Variants in SPATA13 observed in about 807,000 individuals in gnomAD.
The protein encoded by SPATA13 is spermatogenesis associated 13.
A neutral mutation model predicts 104.0 loss-of-function variants in SPATA13; 50 were observed. That is an observed-to-expected ratio of 0.48 (90% CI 0.38 to 0.61). SPATA13 has a LOEUF of 0.61. SPATA13 is among the 20% of genes least tolerant of loss of function. The probability of loss-of-function intolerance (pLI) is 0.00; values close to 1 mark genes in which losing one functional copy is unlikely to be tolerated. For missense variants in SPATA13, 1,524 were observed against 1,690.6 expected (o/e 0.90, Z 1.73); for synonymous variants, 606 against 667.5 (o/e 0.91, Z 1.42).
intron 9 of SPATA13, among the ~76,000 whole-genome samples, chr13:24,291,753 T>TC (rs5802277): frequency 7.5e-6 from 1 of 133,812 alleles, no homozygotes; most frequent in African/African-American, 2.7e-5. Flanking sequence ...TTTTTATTTT[T>TC]TTATTTTTTT....
chr13:24,245,368 A>G (rs1196755287), intron 2 of SPATA13, among the ~76,000 whole-genome samples: 1 of 152,054 alleles, frequency 6.6e-6, no homozygotes, highest in Non-Finnish European at 1.5e-5. Flanking sequence ...TTGGCGAATA[A>G]TCAATGTTTG....
Position 24,223,760 on chromosome 13 carries a change from C to T in SPATA13, c.831C>T (p.Leu277=), listed in dbSNP as rs1301282341. The part of the protein sequence containing the change: ...KRKSTSNLAD[L]RTAHDARVPQ... ...AGTCCACCTCCAATCTTGCAGACCTCAGGACGGCCCATGACGCACGGGTAC... is the reference window on the plus strand; with the variant it reads ...AGTCCACCTCCAATCTTGCAGACCTTAGGACGGCCCATGACGCACGGGTAC... The change falls in exon 2 of 13, where the codon CTC becomes CTT. Residue 277 remains leucine (L), a synonymous_variant. Transcript: ENST00000382108. The T allele has an allele frequency of 6.4e-6, 10 of 1,551,924 alleles. No homozygotes were observed. In the South Asian group the frequency reaches 9.5e-5, roughly 15 times the overall value.
chr13:24,288,864 A>T, intron 7 of SPATA13, 135 bp from the exon 8 acceptor site: 6 of 642,124 alleles, frequency 9.3e-6, no homozygotes, highest in South Asian at 3.6e-5. Flanking sequence ...AAGTACGATG[A>T]CCTCATCAGA....
chr13:24,095,986 T>G (rs2137796321), intron 3 of SPATA13, among the ~76,000 whole-genome samples: 1 of 152,294 alleles, frequency 6.6e-6, no homozygotes, highest in Admixed American at 6.5e-5. Context: ...TACAGCAAGG[T>G]ACCTACACCT....
At chr13:24,232,296 G>A (rs1171049125) in intron 2 of SPATA13, among the ~76,000 whole-genome samples, 1 of 152,190 alleles carries the variant, frequency 6.6e-6, no homozygotes, top group Non-Finnish European at 1.5e-5. Flanking sequence ...GGGGAATCCT[G>A]GACTTTTGTC....
intron 3 of SPATA13, among the ~76,000 whole-genome samples, chr13:24,139,937 G>C (rs868271433): frequency 6.6e-6 from 1 of 152,006 alleles, no homozygotes; most frequent in African/African-American, 2.4e-5. Flanking sequence ...ACGTGGTGGC[G>C]GGCACCTGTA....
intron 3 of SPATA13, among the ~76,000 whole-genome samples, chr13:24,026,872 G>T (rs112626969): frequency 0.036 from 5,471 of 152,240 alleles, 318 homozygotes; most frequent in African/African-American, 0.12. Context: ...AAAGTGTTGG[G>T]ATTACAGGCG....
rs190541594 is a variant in SPATA13 at position 24,252,170 on chromosome 13, C to T, written c.2164+308C>T. 7.2e-5 allele frequency among the ~76,000 whole-genome samples: 11 copies of T among 152,254 alleles called. No homozygotes were observed. The South Asian group carries it at 1.2e-3, about 17-fold the overall frequency. On this transcript the variant is annotated intron_variant, in intron 4 of 12. Transcript: ENST00000382108. ...CCAGGCTAGAAATCCGAGATCAACA[C>T]GTCAGCAGGGTCAGTTTCTTCTGAG...
intron 3 of SPATA13, among the ~76,000 whole-genome samples, chr13:24,042,253 C>G (rs1027066394): frequency 6.6e-6 from 1 of 152,140 alleles, no homozygotes; most frequent in East Asian, 1.9e-4. Context: ...TACTATTTGC[C>G]CTGAGGCTGA....
intron 1 of SPATA13, among the ~76,000 whole-genome samples, chr13:24,172,826 T>G (rs973837222): frequency 6.6e-6 from 1 of 152,234 alleles, no homozygotes; most frequent in Non-Finnish European, 1.5e-5. Context: ...CCTTTCTGTA[T>G]TAATGTTAGA....
intron 2 of SPATA13, among the ~76,000 whole-genome samples, chr13:23,991,479 C>T (rs1460080808): frequency 6.6e-6 from 1 of 152,110 alleles, no homozygotes; most frequent in East Asian, 1.9e-4. Flanking sequence ...CCTCTTTTCT[C>T]CTTGAAAATT....
At chr13:24,124,996 G>A (rs1472170004) in intron 3 of SPATA13, among the ~76,000 whole-genome samples, 4 of 152,198 alleles carry the variant, frequency 2.6e-5, no homozygotes, top group Non-Finnish European at 5.9e-5. Flanking sequence ...CAGAGCGGGT[G>A]GTGGCAGACA....
chr13:24,025,259 T>G (rs1877160629), intron 3 of SPATA13, among the ~76,000 whole-genome samples: 1 of 152,112 alleles, frequency 6.6e-6, no homozygotes, highest in African/African-American at 2.4e-5. Flanking sequence ...AATGCTTTTT[T>G]AAGTTAACCA....
At chr13:24,186,281 A>G (rs2255808) in intron 1 of SPATA13, among the ~76,000 whole-genome samples, 90,434 of 152,076 alleles carry the variant, frequency 0.59, 27,233 homozygotes, top group Non-Finnish European at 0.65. Flanking sequence ...AAGCAAAAGT[A>G]GAAAATTAGA....
intron 4 of SPATA13, among the ~76,000 whole-genome samples, chr13:24,264,403 C>T (rs182870312): frequency 3.7e-4 from 56 of 151,922 alleles, no homozygotes; most frequent in Admixed American, 3.6e-3. Flanking sequence ...CAGACAAGGT[C>T]AGGCCTTAGA....
intron 2 of SPATA13, among the ~76,000 whole-genome samples, chr13:24,232,233 C>A (rs1460552460): frequency 1.3e-5 from 2 of 152,104 alleles, no homozygotes; most frequent in Non-Finnish European, 2.9e-5. Context: ...GCCCAAGAAC[C>A]AGGAGCTTCA....
intron 3 of SPATA13, chr13:24,123,043 T>C (rs988376348): frequency 8.4e-6 from 8 of 952,910 alleles, no homozygotes; most frequent in Non-Finnish European, 1.4e-5. Flanking sequence ...TTAAATGTCA[T>C]TGCCAAATGT....
intron 9 of SPATA13, among the ~76,000 whole-genome samples, chr13:24,291,756 A>ATTTTTTATTTTTTATTTTTTAT (rs1566197950): frequency 6.6e-5 from 9 of 136,462 alleles, no homozygotes; most frequent in Admixed American, 1.5e-4. Flanking sequence ...TTATTTTTTT[A>ATTTTTTATTTTTTATTTTTTAT]TTTTTTTTTT....
Position 24,296,374 on chromosome 13 carries a change from G to A in SPATA13, c.3211-989G>A, listed in dbSNP as rs9580923. Among the ~76,000 whole-genome samples, 667 of 152,222 alleles carry A rather than the reference G, an allele frequency of 4.4e-3. 4 individuals are homozygous for A. Among genetic ancestry groups the A allele is most frequent in the African/African-American group, 0.016 (644 of 41,540 alleles). On this transcript the variant is annotated intron_variant, in intron 10 of 12. Transcript: ENST00000382108. Reference sequence around the variant, plus strand: ...GGAGAATCAAATCTTATTTAACAAAGGCCATTGTCATACCAAATACCATAA... The same window carrying A: ...GGAGAATCAAATCTTATTTAACAAAAGCCATTGTCATACCAAATACCATAA...
Sources: allele counts gnomAD v4.1 joint callset (sites outside exome capture counted in the v4.1 genomes callset), GRCh38; gene constraint gnomAD v4.1.1; transcripts MANE v1.5; gene names NCBI Gene and HGNC (gene_info 2026-07-23, HGNC 2026-07-21).